Variants in SLC7A9 observed in about 807,000 individuals in gnomAD.
The protein encoded by SLC7A9 is solute carrier family 7 member 9.
In SLC7A9, 38 loss-of-function variants were observed where a neutral mutation model predicts 54.1. The observed-to-expected ratio is 0.70, with a 90% CI of 0.54 to 0.92. The LOEUF (loss-of-function observed/expected upper bound fraction) is 0.92. SLC7A9 is among the 40% of genes least tolerant of loss of function. The pLI, the probability that SLC7A9 is intolerant of heterozygous loss-of-function variation, is 0.00. For missense variants in SLC7A9, 537 were observed against 636.1 expected, an observed-to-expected ratio of 0.84 and a Z score of 1.68; for synonymous variants, 264 against 258.9, an observed-to-expected ratio of 1.02 and a Z score of -0.19.
chr19:32,864,600 G>T (rs370840542), intron 3 of SLC7A9, 29 bp downstream of exon 3: 2 of 1,610,772 alleles, frequency 1.2e-6, no homozygotes, highest in African/African-American at 2.7e-5. Flanking sequence ...ATGCTTCCGG[G>T]GCTGCAACAG....
intron 9 of SLC7A9, among the ~76,000 whole-genome samples, chr19:32,855,556 G>C (rs1469807765): frequency 6.6e-6 from 1 of 152,094 alleles, no homozygotes; most frequent in Non-Finnish European, 1.5e-5. Context: ...AAAAAAATTA[G>C]CCGGGCGTGA....
chr19:32,867,082 C>T (rs1028680788), intron 2 of SLC7A9, among the ~76,000 whole-genome samples: 2 of 152,382 alleles, frequency 1.3e-5, no homozygotes, highest in East Asian at 1.9e-4. Context: ...TGCAGCCCAA[C>T]TCAGAGCAGC....
intron 11 of SLC7A9, among the ~76,000 whole-genome samples, chr19:32,840,267 G>A (rs1968092444): frequency 1.3e-5 from 2 of 151,970 alleles, no homozygotes; most frequent in South Asian, 4.1e-4. Flanking sequence ...TGACCTCCTG[G>A]GCTCAAGCAT....
chr19:32,864,812 C>G (rs763399067), intron 2 of SLC7A9, 36 bp from the exon 3 acceptor site: 1 of 1,613,500 alleles, frequency 6.2e-7, no homozygotes, highest in Non-Finnish European at 8.5e-7. Flanking sequence ...GTTAGTGCCA[C>G]GCCCGGACCC....
At chr19:32,838,683 ATAT>A in intron 11 of SLC7A9, among the ~76,000 whole-genome samples, 1 of 138,866 alleles carries the variant, frequency 7.2e-6, no homozygotes. Context: ...CCTTTTAAAG[ATAT>A]TATATATGTA....
At chr19:32,855,734 A>C (rs1968609729) in intron 9 of SLC7A9, among the ~76,000 whole-genome samples, 1 of 151,870 alleles carries the variant, frequency 6.6e-6, no homozygotes, top group Non-Finnish European at 1.5e-5. Flanking sequence ...AAGTTAGCTC[A>C]CTGCAACCTT....
intron 3 of SLC7A9, 71 bp from the exon 4 acceptor site, chr19:32,864,409 C>T: frequency 6.2e-7 from 1 of 1,602,214 alleles, no homozygotes; most frequent in South Asian, 1.1e-5. Flanking sequence ...AGCCTTCCTC[C>T]CACCGGAGGC....
chr19:32,836,974 T>A (rs1967975547), intron 11 of SLC7A9, among the ~76,000 whole-genome samples: 1 of 152,182 alleles, frequency 6.6e-6, no homozygotes. Context: ...GCTTTGAAGA[T>A]CCGCCTGAAA....
intron 11 of SLC7A9, among the ~76,000 whole-genome samples, chr19:32,837,484 T>C (rs3786940): frequency 0.49 from 65,405 of 132,646 alleles, 16,653 homozygotes; most frequent in East Asian, 0.73. Flanking sequence ...ACAGAGGAGA[T>C]TCCATCTCAA....
intron 11 of SLC7A9, among the ~76,000 whole-genome samples, chr19:32,838,161 C>G (rs1278809679): frequency 1.3e-5 from 2 of 152,090 alleles, no homozygotes; most frequent in Non-Finnish European, 2.9e-5. Context: ...AGTGGACAAA[C>G]AGGAAGTAAA....
At chr19:32,843,813 T>TC in intron 10 of SLC7A9, 42 bp downstream of exon 10, 3 of 1,476,092 alleles carry the variant, frequency 2.0e-6, no homozygotes, top group Non-Finnish European at 2.8e-6. Context: ...GGATGGAGTG[T>TC]CCCCGCCTTG....
intron 11 of SLC7A9, among the ~76,000 whole-genome samples, chr19:32,837,492 CAAAA>C (rs57648590): frequency 0.022 from 1,212 of 54,524 alleles, 29 homozygotes; most frequent in African/African-American, 0.055. Context: ...GATTCCATCT[CAAAA>C]AAAAAAAAAA....
chr19:32,844,182 T>C (rs1968213580), intron 9 of SLC7A9, among the ~76,000 whole-genome samples: 1 of 152,158 alleles, frequency 6.6e-6, no homozygotes, highest in South Asian at 2.1e-4. Flanking sequence ...GGCTCACGCC[T>C]GTAATCCCAA....
intron 12 of SLC7A9, 49 bp from the exon 13 acceptor site, chr19:32,830,733 A>G: frequency 6.9e-7 from 1 of 1,454,416 alleles, no homozygotes; most frequent in East Asian, 2.3e-5. Context: ...TGAAATTCGA[A>G]AGTTTCACTG....
At chr19:32,858,305 T>C in intron 9 of SLC7A9, 135 bp downstream of exon 9, 1 of 690,920 alleles carries the variant, frequency 1.4e-6, no homozygotes, top group Non-Finnish European at 2.6e-6. Context: ...CTTCTCTGGA[T>C]TTGGGTCTCC....
chr19:32,840,898 A>G (rs929058208), intron 11 of SLC7A9, among the ~76,000 whole-genome samples: 4 of 152,036 alleles, frequency 2.6e-5, no homozygotes, highest in Non-Finnish European at 4.4e-5. Context: ...GTAAGACTTC[A>G]TTTCCTTGAT....
chr19:32,848,164 A>G (rs1272969434), intron 9 of SLC7A9, among the ~76,000 whole-genome samples: 1 of 152,260 alleles, frequency 6.6e-6, no homozygotes, highest in African/African-American at 2.4e-5. Context: ...TCATAATGAC[A>G]GGACCAAATT....
intron 9 of SLC7A9, among the ~76,000 whole-genome samples, chr19:32,849,634 C>T (rs1249737655): frequency 1.1e-3 from 160 of 151,188 alleles, no homozygotes; most frequent in South Asian, 1.9e-3. Flanking sequence ...CCTTCTGAAA[C>T]TATTCCAATC....
intron 11 of SLC7A9, among the ~76,000 whole-genome samples, chr19:32,839,528 GGAT>G (rs1298601701): frequency 6.7e-6 from 1 of 149,526 alleles, no homozygotes; most frequent in African/African-American, 2.5e-5. Context: ...ATTCCAGCCT[GGAT>G]GACAGAGTGA....
Sources: allele counts gnomAD v4.1 joint callset (sites outside exome capture counted in the v4.1 genomes callset), GRCh38; gene constraint gnomAD v4.1.1; transcripts MANE v1.5; gene names NCBI Gene and HGNC (gene_info 2026-07-23, HGNC 2026-07-21).